The following MYT1L variants were observed in gnomAD, a reference collection of about 807,000 sequenced individuals.
MYT1L encodes the protein myelin transcription factor 1 like.
MYT1L carries 12 observed loss-of-function variants against 126.7 expected under a neutral mutation model. The ratio of observed to expected loss-of-function variants is 0.09; its 90% CI spans 0.06 to 0.15. The LOEUF is 0.15. MYT1L is among the 10% of genes least tolerant of loss of function. The pLI is 1.00. For synonymous variants in MYT1L, 541 were observed against 604.2 expected (o/e 0.90, Z 1.53); for missense variants, 979 against 1,585.2 (o/e 0.62, Z 6.49).
In MYT1L at chr2:1,856,052, C is replaced by G. The variant is rs1201079217; in HGVS notation, c.2712-4349G>C. On this transcript the variant is annotated intron_variant, in intron 18 of 24. Transcript: ENST00000647738. ...CAGTATTTACATTACAGCCAACGTG[C>G]AGAATTCAGGCGAATTCTAAAAAAA... Among the ~76,000 whole-genome samples the G allele has an allele frequency of 3.9e-5, 6 of 152,080 alleles. No individual in the cohort carries two copies. The East Asian group carries it at 1.2e-3, about 29-fold the overall frequency.
At position 1,840,802 on chromosome 2, in the gene MYT1L, A is replaced by G. The variant is rs1261921916; in HGVS notation, c.2816T>C (p.Ile939Thr). 3 of 1,550,990 alleles carry G rather than the reference A, an allele frequency of 1.9e-6. No individual in the cohort carries two copies. Among genetic ancestry groups the G allele is most frequent in the Non-Finnish European group, 2.6e-6 (3 of 1,146,984 alleles). ...CPRAKKSGIR[I>T]AQSKEDKEDQ... Reference sequence around the variant, plus strand: ...TTCTTTATCTTCTTTGCTCTGTGCTATCCTGATACCACTTTTCTTTGCTCT... The same window carrying G: ...TTCTTTATCTTCTTTGCTCTGTGCTGTCCTGATACCACTTTTCTTTGCTCT... Residue 939 changes from isoleucine (I) to threonine (T), a missense_variant, in exon 20 of 25, where the codon ATA (isoleucine) becomes ACA (threonine). Ile to Thr is a moderately conservative substitution (Grantham distance 89). Coordinates refer to ENST00000647738, the MANE Select transcript of MYT1L (RefSeq NM_001303052.2).
chr2:2,120,719 G>A (rs2080871206), intron 3 of MYT1L, among the ~76,000 whole-genome samples: 1 of 152,116 alleles, frequency 6.6e-6, no homozygotes, highest in Admixed American at 6.5e-5. Context: ...TTCCTATAAA[G>A]CAGTTTGTAA....
intron 2 of MYT1L, among the ~76,000 whole-genome samples, chr2:2,270,480 G>A (rs2095241215): frequency 6.6e-6 from 1 of 152,038 alleles, no homozygotes; most frequent in African/African-American, 2.4e-5. Flanking sequence ...GGATGAAGAG[G>A]GACAGAAGGG....
At chr2:2,113,713 AT>A in intron 3 of MYT1L, among the ~76,000 whole-genome samples, 1 of 152,262 alleles carries the variant, frequency 6.6e-6, no homozygotes, top group East Asian at 1.9e-4. Context: ...TTATGAAAAC[AT>A]TACCGCCTCC....
intron 1 of MYT1L, among the ~76,000 whole-genome samples, chr2:2,316,317 C>T (rs1255304128): frequency 6.6e-6 from 1 of 152,122 alleles, no homozygotes; most frequent in Non-Finnish European, 1.5e-5. Context: ...TTTATTTGTA[C>T]CCACGAGTTC....
At chr2:2,076,685 T>C (rs1463902768) in intron 3 of MYT1L, among the ~76,000 whole-genome samples, 1 of 152,138 alleles carries the variant, frequency 6.6e-6, no homozygotes, top group Non-Finnish European at 1.5e-5. Flanking sequence ...AACAAAAATC[T>C]AGCAACAACA....
intron 4 of MYT1L, among the ~76,000 whole-genome samples, chr2:2,039,492 C>T (rs1440307429): frequency 1.3e-5 from 2 of 152,094 alleles, no homozygotes; most frequent in Non-Finnish European, 2.9e-5. Flanking sequence ...TCAGAACCTC[C>T]GTTTCCTGAC....
intron 2 of MYT1L, among the ~76,000 whole-genome samples, chr2:2,241,921 C>T (rs946078451): frequency 2.0e-5 from 3 of 151,932 alleles, no homozygotes; most frequent in Non-Finnish European, 4.4e-5. Flanking sequence ...ATGCTGGGAC[C>T]CAGAGATGGG....
At chr2:2,103,227 TGGCCTCTACATG>T (rs1375663271) in intron 3 of MYT1L, among the ~76,000 whole-genome samples, 1 of 152,176 alleles carries the variant, frequency 6.6e-6, no homozygotes, top group African/African-American at 2.4e-5. Context: ...ATACTTACAA[TGGCCTCTACATG>T]GGCCCAAATT....
At chr2:1,849,550 T>A (rs2042948415) in intron 19 of MYT1L, among the ~76,000 whole-genome samples, 1 of 152,182 alleles carries the variant, frequency 6.6e-6, no homozygotes, top group Non-Finnish European at 1.5e-5. Context: ...CATCTTTGGT[T>A]GTCACGAAGG....
chr2:1,815,901 C>A (rs769995722), intron 21 of MYT1L, among the ~76,000 whole-genome samples: 27 of 152,248 alleles, frequency 1.8e-4, no homozygotes, highest in Non-Finnish European at 1.5e-4. Context: ...GTGAGAGGCA[C>A]ACGGCACCGC....
chr2:1,838,851 G>A (rs777306866), intron 21 of MYT1L, among the ~76,000 whole-genome samples: 42 of 152,112 alleles, frequency 2.8e-4, no homozygotes, highest in Non-Finnish European at 5.3e-4. Flanking sequence ...ACCCTCATGT[G>A]CATGTCTTAA....
At chr2:1,851,833 G>T in intron 18 of MYT1L, 130 bp from the exon 19 acceptor site, 1 of 848,718 alleles carries the variant, frequency 1.2e-6, no homozygotes, top group Non-Finnish European at 1.9e-6. Context: ...GCTGAGTGGA[G>T]CCGGAAGCTC....
Position 1,912,737 on chromosome 2 carries a change from C to T in MYT1L, c.1619-627G>A, listed in dbSNP as rs2052222065. Among the ~76,000 whole-genome samples the T allele has an allele frequency of 6.7e-6, 1 of 150,054 alleles. No individual in the cohort carries two copies. Among genetic ancestry groups the T allele is most frequent in the Admixed American group, 6.6e-5 (1 of 15,228 alleles). On this transcript the variant is annotated intron_variant, in intron 11 of 24. Coordinates refer to ENST00000647738, the MANE Select transcript of MYT1L (RefSeq NM_001303052.2). The surrounding 1 kb of genome is among the most constrained non-coding windows in gnomAD (Gnocchi z 4.3). The stretch of plus-strand genomic sequence containing the variant: ...AAGAGTAAGCGTCTGCGTTTTTACC[C>T]TGTGAAATTAACAAGCGGGAGAGGC...
intron 1 of MYT1L, among the ~76,000 whole-genome samples, chr2:2,329,457 ATTACT>A (rs2096271676): frequency 6.9e-6 from 1 of 144,256 alleles, no homozygotes; most frequent in African/African-American, 2.7e-5. Context: ...CAGATCTCAT[ATTACT>A]GATTCTTATA....
chr2:1,939,105 A>G (rs570520888), intron 9 of MYT1L, among the ~76,000 whole-genome samples: 13 of 152,334 alleles, frequency 8.5e-5, no homozygotes, highest in African/African-American at 2.9e-4. Flanking sequence ...ACCTTGTCCC[A>G]GCAGTTCCGT....
chr2:2,015,985 A>C (rs111405170), intron 4 of MYT1L, among the ~76,000 whole-genome samples: 8,271 of 152,252 alleles, frequency 0.054, 285 homozygotes, highest in African/African-American at 0.081. Flanking sequence ...ACAAAAAGTT[A>C]ATGAGGGAGG....
chr2:1,794,976 C>T (rs965405851), intron 23 of MYT1L, among the ~76,000 whole-genome samples: 4 of 152,172 alleles, frequency 2.6e-5, no homozygotes, highest in Admixed American at 2.0e-4. Context: ...AAACCAGAAC[C>T]GACGGGTATC....
chr2:2,104,867 C>T (rs1009156133), intron 3 of MYT1L, among the ~76,000 whole-genome samples: 2 of 152,202 alleles, frequency 1.3e-5, no homozygotes, highest in African/African-American at 4.8e-5. Context: ...TGTTCTCATC[C>T]GAAGTTCTGA....
Sources: allele counts gnomAD v4.1 joint callset (sites outside exome capture counted in the v4.1 genomes callset), GRCh38; gene constraint gnomAD v4.1.1; non-coding constraint Gnocchi (gnomAD v3.1); transcripts MANE v1.5; gene names NCBI Gene and HGNC (gene_info 2026-07-23, HGNC 2026-07-21).